Variants in TKTL1 observed in about 807,000 individuals in gnomAD.
The protein encoded by TKTL1 is transketolase-like protein 1.
A neutral mutation model predicts 39.3 loss-of-function variants in TKTL1; 1 was observed. The observed-to-expected ratio is 0.03, with a 90% CI of 0.01 to 0.12. TKTL1 has a LOEUF of 0.12. TKTL1 is among the 10% of genes least tolerant of loss of function. The pLI is 1.00. For synonymous variants in TKTL1, 262 were observed against 193.8 expected, an observed-to-expected ratio of 1.35 and a Z score of -2.92; for missense variants, 575 against 509.6, an observed-to-expected ratio of 1.13 and a Z score of -1.24.
In TKTL1 at chrX:154,315,456, C is replaced by A. The variant is rs188430334; in HGVS notation, c.1029+119C>A. ...AAGCAAAAGGACTGGAAAAAAATTT[C>A]CTGGGAAGCAGGAGGCAAGTAGCCA... On this transcript the variant is annotated intron_variant, in intron 7 of 12. Transcript: ENST00000369915. The A allele has an allele frequency of 1.5e-5, 12 of 820,199 alleles. No homozygotes were observed. The East Asian group carries it at 3.9e-4, about 27-fold the overall frequency. 67.6% of individuals were successfully genotyped at this position (820,199 alleles called of 1,213,427 possible).
In TKTL1 at chrX:154,296,179, C is replaced by T. The variant is rs139278795; in HGVS notation, c.134+186C>T. ...CTAGATGGCAGCGAGGCACTATTCCCGCCAACCCAAGGGTCGGTCGGTTGG... is the reference window on the plus strand; with the variant it reads ...CTAGATGGCAGCGAGGCACTATTCCTGCCAACCCAAGGGTCGGTCGGTTGG... On this transcript the variant is annotated intron_variant, in intron 1 of 12. Coordinates refer to ENST00000369915, the MANE Select transcript of TKTL1 (RefSeq NM_012253.4). 3.5e-3 allele frequency among the ~76,000 whole-genome samples: 389 copies of T among 111,261 alleles called. 1 individual carries two copies. The highest frequency in any genetic ancestry group is 0.012 in the African/African-American group (367 of 30,655).
intron 2 of TKTL1, among the ~76,000 whole-genome samples, chrX:154,307,610 C>A (rs998996511): frequency 8.9e-6 from 1 of 112,693 alleles, no homozygotes; most frequent in African/African-American, 3.2e-5. Flanking sequence ...TTATCCTTGA[C>A]CTCCTGTCAC....
chrX:154,304,619 T>G (rs892689462), intron 1 of TKTL1, among the ~76,000 whole-genome samples: 17 of 107,864 alleles, frequency 1.6e-4, no homozygotes, highest in African/African-American at 5.7e-4. Context: ...ATTAAGAAAA[T>G]GGGGGAGGGA....
chrX:154,321,789 G>C (rs2067453263), intron 8 of TKTL1, among the ~76,000 whole-genome samples: 1 of 107,544 alleles, frequency 9.3e-6, no homozygotes, highest in Admixed American at 1.0e-4. Context: ...CTCCCTGGGA[G>C]AATGAGGCTG....
chrX:154,320,991 C>T (rs1322446075), intron 8 of TKTL1, 78 bp downstream of exon 8: 34 of 1,041,902 alleles, frequency 3.3e-5, no homozygotes, highest in Non-Finnish European at 4.4e-5. Flanking sequence ...GGTTAAACCA[C>T]GAATTTCCTT....
chrX:154,319,034 G>C (rs2067428169), intron 7 of TKTL1, among the ~76,000 whole-genome samples: 1 of 111,179 alleles, frequency 9.0e-6, no homozygotes. Flanking sequence ...TTATTAGCTG[G>C]TATGTTAGTG....
At chrX:154,327,176 C>G (rs782601144) in intron 10 of TKTL1, 3 of 264,991 alleles carry the variant, frequency 1.1e-5, no homozygotes, top group Non-Finnish European at 7.2e-6. Context: ...CTGAGATTTG[C>G]TTTCCTCAGC....
At position 154,306,587 on chromosome X, in the gene TKTL1, A is replaced by G. The variant is rs144875308; in HGVS notation, c.252+1166A>G. 7.4e-3 allele frequency among the ~76,000 whole-genome samples: 828 copies of G among 111,821 alleles called. 5 individuals carry two copies. Among genetic ancestry groups the G allele is most frequent in the Middle Eastern group, 0.014 (3 of 218 alleles). ...GTAAGCAGTATACAGGAAGGAAATC[A>G]TTGTGCTAGGCTTTAAACATGTCTA... On this transcript the variant is annotated intron_variant, in intron 2 of 12. Coordinates refer to ENST00000369915, the MANE Select transcript of TKTL1 (RefSeq NM_012253.4).
intron 7 of TKTL1, among the ~76,000 whole-genome samples, chrX:154,318,129 C>T (rs1361987597): frequency 9.0e-6 from 1 of 111,053 alleles, no homozygotes; most frequent in East Asian, 2.8e-4. Context: ...AATGCAGTGG[C>T]ACAATCATGG....
intron 1 of TKTL1, among the ~76,000 whole-genome samples, chrX:154,298,168 CTT>C (rs1355657957): frequency 2.7e-5 from 3 of 110,525 alleles, no homozygotes; most frequent in Non-Finnish European, 5.7e-5. Flanking sequence ...CACTGTCACT[CTT>C]TTTATTTCTG....
intron 1 of TKTL1, among the ~76,000 whole-genome samples, chrX:154,303,104 C>T (rs1165544988): frequency 2.7e-5 from 3 of 111,226 alleles, no homozygotes; most frequent in Admixed American, 1.9e-4. Flanking sequence ...CACCCTGACT[C>T]GTTTCCTGCG....
At chrX:154,306,142 A>G (rs2067313132) in intron 2 of TKTL1, among the ~76,000 whole-genome samples, 1 of 101,812 alleles carries the variant, frequency 9.8e-6, no homozygotes, top group Admixed American at 1.0e-4. Flanking sequence ...CTCCGTCTCC[A>G]CTTAAAAAAA....
chrX:154,317,183 T>G (rs1188127114), intron 7 of TKTL1, among the ~76,000 whole-genome samples: 1 of 112,192 alleles, frequency 8.9e-6, no homozygotes, highest in East Asian at 2.8e-4. Context: ...CACGCAGCCA[T>G]GTAGTCTACT....
chrX:154,299,572 T>C (rs2067257300), intron 1 of TKTL1, among the ~76,000 whole-genome samples: 1 of 111,305 alleles, frequency 9.0e-6, no homozygotes, highest in African/African-American at 3.3e-5. Context: ...CCAAGCAGTG[T>C]ACATTGTCCC....
intron 9 of TKTL1, among the ~76,000 whole-genome samples, chrX:154,324,120 T>A (rs993798417): frequency 9.0e-6 from 1 of 111,352 alleles, no homozygotes; most frequent in Non-Finnish European, 1.9e-5. Context: ...TTAGGTACTT[T>A]TTTGTGTGGT....
At chrX:154,315,723 CAG>C (rs201547864) in intron 7 of TKTL1, among the ~76,000 whole-genome samples, 425 of 111,907 alleles carry the variant, frequency 3.8e-3, no homozygotes, top group Middle Eastern at 0.018. Context: ...ACAGGGAATG[CAG>C]AGTTTCCTTC....
chrX:154,327,620 C>T lies in TKTL1; in HGVS notation c.1431C>T (p.Val477=). The T allele has an allele frequency of 8.3e-7, 1 of 1,210,964 alleles. No individual in the cohort carries two copies. The highest frequency in any genetic ancestry group is 1.1e-6 in the Non-Finnish European group (1 of 894,977). ...KVLRHCVSDK[V]TVIGAGITVY... ...TCCGCCACTGTGTCAGTGACAAGGT[C>T]ACAGTTATTGGAGCTGGAATTACTG... The change falls in exon 11 of 13, where the codon GTC becomes GTT. Residue 477 remains valine, a synonymous_variant. Coordinates refer to ENST00000369915, the MANE Select transcript of TKTL1 (RefSeq NM_012253.4).
At chrX:154,302,630 A>G (rs1405408425) in intron 1 of TKTL1, among the ~76,000 whole-genome samples, 1 of 111,772 alleles carries the variant, frequency 8.9e-6, no homozygotes, top group Non-Finnish European at 1.9e-5. Flanking sequence ...ATTTCAGCAT[A>G]GGAATTCTGG....
chrX:154,320,784 C>G lies in TKTL1; in HGVS notation c.1057C>G (p.Arg353Gly). 2 of 1,211,062 alleles carry G rather than the reference C, an allele frequency of 1.7e-6. No individual in the cohort carries two copies. The highest frequency in any genetic ancestry group is 1.7e-5 in the African/African-American group (1 of 57,642). ...MVSVALGCAS[R>G]GRTIAFASTF... Reference sequence around the variant, plus strand: ...GAGCGTGGCTCTGGGCTGTGCCTCCCGTGGACGGACCATTGCTTTTGCTAG... The same window carrying G: ...GAGCGTGGCTCTGGGCTGTGCCTCCGGTGGACGGACCATTGCTTTTGCTAG... The change falls in exon 8 of 13, where the codon CGT becomes GGT. Residue 353 changes from arginine to glycine, a missense_variant. Arg to Gly is a moderately radical substitution (Grantham distance 125). Transcript: ENST00000369915.
Sources: allele counts gnomAD v4.1 joint callset (sites outside exome capture counted in the v4.1 genomes callset), GRCh38; gene constraint gnomAD v4.1.1; transcripts MANE v1.5; gene names NCBI Gene and HGNC (gene_info 2026-07-23, HGNC 2026-07-21).